The following GRIK2 variants were observed in gnomAD, a reference collection of about 807,000 sequenced individuals.
GRIK2 encodes the protein glutamate receptor ionotropic, kainate 2.
In GRIK2, 32 loss-of-function variants were observed where a neutral mutation model predicts 100.3. The observed-to-expected ratio is 0.32, with a 90% CI of 0.24 to 0.43. The LOEUF (loss-of-function observed/expected upper bound fraction) is 0.43, where lower values mean the gene tolerates loss of function less well. Among genes scored for constraint, GRIK2 ranks in the 20% least tolerant of loss-of-function variants. The probability of loss-of-function intolerance (pLI) is 1.00; values close to 1 mark genes in which losing one functional copy is unlikely to be tolerated. For missense variants in GRIK2, 843 were observed against 1,114.9 expected (o/e 0.76, Z 3.47); for synonymous variants, 417 against 389.4 (o/e 1.07, Z -0.83).
At position 101,957,785 on chromosome 6, in the gene GRIK2, G is replaced by A. The variant is rs116473262; in HGVS notation, c.2085+29153G>A. On this transcript the variant is annotated intron_variant, in intron 14 of 16. Coordinates refer to ENST00000369134, the MANE Select transcript of GRIK2 (RefSeq NM_021956.5). The stretch of plus-strand genomic sequence containing the variant: ...CCCAGCACCATTTATTGAATAGGAT[G>A]TCTTTTCTCCAGTGTATACTTTTGT... Among the ~76,000 whole-genome samples, 881 of 152,108 alleles carry A rather than the reference G, an allele frequency of 5.8e-3. 9 individuals are homozygous for A. Among genetic ancestry groups the A allele is most frequent in the African/African-American group, 0.02 (840 of 41,532 alleles).
chr6:101,414,769 G>T (rs1190776351), intron 2 of GRIK2, among the ~76,000 whole-genome samples: 1 of 152,194 alleles, frequency 6.6e-6, no homozygotes, highest in African/African-American at 2.4e-5. Context: ...ATTCCCTGGT[G>T]CACAGAAGGC....
At chr6:101,457,983 TA>T (rs750970805) in intron 2 of GRIK2, among the ~76,000 whole-genome samples, 4 of 152,142 alleles carry the variant, frequency 2.6e-5, no homozygotes, top group Non-Finnish European at 5.9e-5. Context: ...TAAATTACTT[TA>T]AAAAGCAGAA....
chr6:101,424,573 AATT>A (rs1776602171), intron 2 of GRIK2, among the ~76,000 whole-genome samples: 1 of 145,040 alleles, frequency 6.9e-6, no homozygotes, highest in Non-Finnish European at 1.5e-5. Flanking sequence ...ATTTTTTAAA[AATT>A]ATTATTATTC....
intron 2 of GRIK2, among the ~76,000 whole-genome samples, chr6:101,467,353 G>A (rs1393295581): frequency 6.6e-6 from 1 of 152,154 alleles, no homozygotes; most frequent in African/African-American, 2.4e-5. Flanking sequence ...AGTCAAGTCT[G>A]TAAAACTGCC....
intron 7 of GRIK2, among the ~76,000 whole-genome samples, chr6:101,777,717 A>G (rs1778838247): frequency 6.6e-6 from 1 of 152,204 alleles, no homozygotes; most frequent in African/African-American, 2.4e-5. Flanking sequence ...TCAAATGGGA[A>G]TTCAGAAATG....
chr6:101,858,480 G>A (rs970257073), intron 10 of GRIK2, among the ~76,000 whole-genome samples: 6 of 145,096 alleles, frequency 4.1e-5, no homozygotes, highest in Non-Finnish European at 7.5e-5. Flanking sequence ...TCCGCCTCCC[G>A]GGTTCACGCC....
chr6:101,528,806 T>TC, intron 2 of GRIK2, among the ~76,000 whole-genome samples: 1 of 152,338 alleles, frequency 6.6e-6, no homozygotes, highest in East Asian at 1.9e-4. Flanking sequence ...ATAACTCATT[T>TC]TGTCCTTTTC....
intron 7 of GRIK2, among the ~76,000 whole-genome samples, chr6:101,722,285 T>A: frequency 6.6e-6 from 1 of 152,130 alleles, no homozygotes. Flanking sequence ...ATCTTTCTAT[T>A]AGGTAGTCCA....
rs906755091 is a variant in GRIK2 at position 101,424,171 on chromosome 6, T to C, written c.115+24779T>C. 2.0e-5 allele frequency among the ~76,000 whole-genome samples: 3 copies of C among 151,298 alleles called. No homozygotes were observed. In the East Asian group the frequency reaches 5.8e-4, roughly 29 times the overall value. On this transcript the variant is annotated intron_variant, in intron 2 of 16. Coordinates refer to ENST00000369134, the MANE Select transcript of GRIK2 (RefSeq NM_021956.5). The stretch of plus-strand genomic sequence containing the variant: ...AATTTTTTTTCTTCAGAATTTTTTT[T>C]ATTTTTTTTTATTATACTTTAAGTT...
chr6:101,493,722 G>A (rs537694680), intron 2 of GRIK2, among the ~76,000 whole-genome samples: 30 of 151,618 alleles, frequency 2.0e-4, no homozygotes, highest in African/African-American at 6.8e-4. Context: ...TCAGCAGTTT[G>A]CAGTCTTTGC....
intron 13 of GRIK2, among the ~76,000 whole-genome samples, chr6:101,925,409 T>C (rs1306295337): frequency 6.6e-6 from 1 of 152,018 alleles, no homozygotes; most frequent in African/African-American, 2.4e-5. Flanking sequence ...AATCTACTAT[T>C]TTAGTCTCAG....
chr6:101,456,915 A>T (rs1489517538), intron 2 of GRIK2, among the ~76,000 whole-genome samples: 3 of 152,186 alleles, frequency 2.0e-5, no homozygotes, highest in Non-Finnish European at 2.9e-5. Context: ...ACAAATCTAG[A>T]GTACAGATAA....
chr6:101,514,805 C>G (rs1382858809), intron 2 of GRIK2, among the ~76,000 whole-genome samples: 1 of 152,022 alleles, frequency 6.6e-6, no homozygotes, highest in East Asian at 1.9e-4. Context: ...TTTATGTAGA[C>G]TCATAGAAAT....
chr6:101,824,199 T>C (rs1434385230), intron 10 of GRIK2, among the ~76,000 whole-genome samples: 5 of 152,106 alleles, frequency 3.3e-5, no homozygotes, highest in Non-Finnish European at 7.4e-5. Context: ...GTTAACTCTT[T>C]AGTGGTGATT....
chr6:101,460,782 G>GTGTC (rs1157429109), intron 2 of GRIK2, among the ~76,000 whole-genome samples: 1 of 152,088 alleles, frequency 6.6e-6, no homozygotes, highest in Non-Finnish European at 1.5e-5. Flanking sequence ...ATCAAATTTT[G>GTGTC]TGTCCTTAGA....
chr6:101,802,432 A>G lies in GRIK2; in HGVS notation c.1197A>G (p.Leu399=). ...TGATCAGTCTGAAGGAAGAAGGTCT[A>G]GAAAAGGTATTTCAGTGAGCTTATT... ...LDVISLKEEG[L]EKIGTWDPAS... The change falls in exon 9 of 17, where the codon CTA becomes CTG. Residue 399 remains leucine, a synonymous_variant. Transcript: ENST00000369134. 3 of 1,468,902 alleles carry G rather than the reference A, an allele frequency of 2.0e-6. No homozygotes were observed. The highest frequency in any genetic ancestry group is 2.5e-5 in the South Asian group (2 of 79,794). The allele number at this position is 1,468,902 out of a possible 1,614,324, so 91.0% of individuals were successfully genotyped here.
intron 14 of GRIK2, among the ~76,000 whole-genome samples, chr6:101,996,827 AG>A (rs1016003927): frequency 3.3e-5 from 5 of 152,066 alleles, no homozygotes; most frequent in African/African-American, 1.2e-4. Flanking sequence ...TTAGAAACTT[AG>A]TTTCCTCCAC....
intron 2 of GRIK2, among the ~76,000 whole-genome samples, chr6:101,466,484 A>G (rs1771650916): frequency 6.6e-6 from 1 of 151,956 alleles, no homozygotes; most frequent in Non-Finnish European, 1.5e-5. Context: ...CACAATTAGT[A>G]GTCAGTTGCT....
Position 101,799,651 on chromosome 6 carries a change from G to C in GRIK2, c.955G>C (p.Asp319His). ...TTCCCTTTCCCTTGCTTTTCAGACTGATGCTGCTCTAATGTATGATGCTGT... is the reference window on the plus strand; with the variant it reads ...TTCCCTTTCCCTTGCTTTTCAGACTCATGCTGCTCTAATGTATGATGCTGT... ...SGLLDGFMTT[D>H]AALMYDAVHV... is the part of the protein sequence containing the mutation. Residue 319 changes from aspartate to histidine, a missense_variant, in exon 8 of 17, where the codon GAT becomes CAT. Physicochemically the swap from Asp to His is moderately conservative, Grantham distance 81 (BLOSUM62 -1). This residue lies in a region of GRIK2 where 519 missense variants were observed against 643.8 expected (regional missense o/e 0.81). Transcript: ENST00000369134. 1 of 1,612,510 alleles carries C rather than the reference G, an allele frequency of 6.2e-7. No individual in the cohort carries two copies. The highest frequency in any genetic ancestry group is 1.1e-5 in the South Asian group (1 of 91,034).
Sources: allele counts gnomAD v4.1 joint callset (sites outside exome capture counted in the v4.1 genomes callset), GRCh38; gene constraint gnomAD v4.1.1; regional missense constraint gnomAD v4.1.1; transcripts MANE v1.5; gene names NCBI Gene and HGNC (gene_info 2026-07-23, HGNC 2026-07-21).